PCDH15: variants seen among roughly 807,000 people sequenced by gnomAD.
PCDH15 encodes the protein protocadherin-15.
Under a neutral mutation model 178.5 loss-of-function variants are expected in PCDH15, and 129 were observed. The observed-to-expected ratio is 0.72, with a 90% CI of 0.63 to 0.84. The LOEUF is 0.84. Among genes scored for constraint, PCDH15 ranks in the 40% least tolerant of loss-of-function variants. The probability of loss-of-function intolerance (pLI) is 0.00; values close to 1 mark genes in which losing one functional copy is unlikely to be tolerated. For synonymous variants in PCDH15, 800 were observed against 732.0 expected (o/e 1.09, Z -1.50); for missense variants, 2,230 against 2,099.9 (o/e 1.06, Z -1.21).
intron 2 of PCDH15, among the ~76,000 whole-genome samples, chr10:54,538,900 T>C (rs1451116778): frequency 6.6e-6 from 1 of 152,186 alleles, no homozygotes; most frequent in Non-Finnish European, 1.5e-5. Context: ...GATTGCTTTG[T>C]CTATTTGGGT....
intron 2 of PCDH15, among the ~76,000 whole-genome samples, chr10:54,559,864 A>AAAAAG (rs1159766732): frequency 8.0e-6 from 1 of 125,062 alleles, no homozygotes; most frequent in African/African-American, 2.8e-5. Flanking sequence ...AAAAAAAAAA[A>AAAAAG]AAAAAAAAAA....
intron 6 of PCDH15, among the ~76,000 whole-genome samples, chr10:54,330,768 T>A (rs73248019): frequency 0.22 from 33,607 of 151,730 alleles, 3,831 homozygotes; most frequent in African/African-American, 0.26. Flanking sequence ...AATCTCTTAT[T>A]CTTAAGAAGA....
intron 1 of PCDH15, among the ~76,000 whole-genome samples, chr10:54,726,835 T>C (rs1942607862): frequency 6.7e-6 from 1 of 148,642 alleles, no homozygotes; most frequent in Non-Finnish European, 1.5e-5. Context: ...TCAGGTCAAC[T>C]CATTCGGATT....
intron 15 of PCDH15, among the ~76,000 whole-genome samples, chr10:54,101,841 G>A (rs1314241655): frequency 6.6e-6 from 1 of 152,096 alleles, no homozygotes; most frequent in African/African-American, 2.4e-5. Context: ...TGTGTGTGGT[G>A]TTGTGCAACT....
At chr10:54,624,796 G>C (rs753843746) in intron 2 of PCDH15, among the ~76,000 whole-genome samples, 1 of 152,210 alleles carries the variant, frequency 6.6e-6, no homozygotes, top group Non-Finnish European at 1.5e-5. Flanking sequence ...CTGTGCATAT[G>C]AGGGGTCTAG....
At chr10:55,368,312 A>T (rs944581783) in intron 2 of PCDH15, among the ~76,000 whole-genome samples, 3 of 152,128 alleles carry the variant, frequency 2.0e-5, no homozygotes, top group African/African-American at 7.2e-5. Flanking sequence ...TTGCCCTAAC[A>T]TAGGCATGTG....
At chr10:54,203,817 G>A (rs116898034) in intron 10 of PCDH15, among the ~76,000 whole-genome samples, 140 of 152,104 alleles carry the variant, frequency 9.2e-4, no homozygotes, top group Non-Finnish European at 1.7e-3. Context: ...TCTGAAAAAC[G>A]GGCAAATTGA....
At chr10:55,013,541 TC>T (rs1840098478) in intron 2 of PCDH15, among the ~76,000 whole-genome samples, 2 of 150,144 alleles carry the variant, frequency 1.3e-5, no homozygotes, top group Admixed American at 6.7e-5. Context: ...CTCCTCCCAC[TC>T]CCTCTGCTTA....
At chr10:54,891,462 T>C (rs1003814498) in intron 3 of PCDH15, among the ~76,000 whole-genome samples, 1 of 152,088 alleles carries the variant, frequency 6.6e-6, no homozygotes, top group Non-Finnish European at 1.5e-5. Context: ...GAGAGGATGG[T>C]GAATAAAAGT....
chr10:54,974,244 A>G (rs533708739), intron 2 of PCDH15, among the ~76,000 whole-genome samples: 2 of 152,238 alleles, frequency 1.3e-5, no homozygotes, highest in South Asian at 4.1e-4. Context: ...CTAAAGAAGT[A>G]TTATACAACT....
chr10:54,279,524 A>G (rs1166900771), intron 8 of PCDH15, among the ~76,000 whole-genome samples: 1 of 151,632 alleles, frequency 6.6e-6, no homozygotes, highest in Non-Finnish European at 1.5e-5. Context: ...GTCTTAGATA[A>G]CAAGAAAACT....
chr10:55,542,612 TA>T (rs1841792524), intron 2 of PCDH15, among the ~76,000 whole-genome samples: 1 of 147,650 alleles, frequency 6.8e-6, no homozygotes, highest in East Asian at 2.1e-4. Context: ...CAGACATATG[TA>T]TGTGTCTATA....
intron 11 of PCDH15, among the ~76,000 whole-genome samples, chr10:54,194,620 G>GT (rs72474016): frequency 6.6e-6 from 1 of 151,262 alleles, no homozygotes; most frequent in African/African-American, 2.4e-5. Context: ...ATGTGTGTGT[G>GT]TGTGTGTGTA....
chr10:53,856,955 G>A (rs574544499), intron 28 of PCDH15, among the ~76,000 whole-genome samples: 1 of 152,106 alleles, frequency 6.6e-6, no homozygotes, highest in African/African-American at 2.4e-5. Context: ...CCAAAAGGAG[G>A]GAGGATGGGA....
intron 5 of PCDH15, among the ~76,000 whole-genome samples, chr10:54,360,665 C>T (rs1173837969): frequency 6.6e-6 from 1 of 152,022 alleles, no homozygotes. Context: ...ATCACATCTG[C>T]TTTTTCAGCC....
At chr10:54,383,479 T>C (rs1443778306) in intron 3 of PCDH15, among the ~76,000 whole-genome samples, 1 of 152,130 alleles carries the variant, frequency 6.6e-6, no homozygotes, top group South Asian at 2.1e-4. Flanking sequence ...AGAAAGACGT[T>C]CAGGGAATTA....
rs751160280 is a variant in PCDH15, at chr10:53,995,764, T to A, written c.2753A>T (p.Asp918Val). The part of the protein sequence containing the change: ...GIATVTVIVK[D>V]MNDYPPVFSK... ...AAAGACAGGAGGATAATCATTCATA[T>A]CCTGTAAAACACAATTAGGAGTTTA... The change falls in exon 21 of 38, where the codon GAT becomes GTT. Residue 918 changes from aspartate (D) to valine (V), a missense_variant and splice_region_variant. Asp to Val is a radical substitution (Grantham distance 152). Coordinates refer to ENST00000644397, the MANE Select transcript of PCDH15 (RefSeq NM_001384140.1). 1.2e-6 allele frequency: 2 copies of A among 1,613,570 alleles called. No individual in the cohort carries two copies. The highest frequency in any genetic ancestry group is 2.7e-5 in the African/African-American group (2 of 75,056).
chr10:53,972,170 C>A (rs1472886921), intron 21 of PCDH15, among the ~76,000 whole-genome samples: 1 of 151,842 alleles, frequency 6.6e-6, no homozygotes, highest in African/African-American at 2.4e-5. Context: ...CGAATGTGAC[C>A]AAAACAAGAA....
At chr10:54,002,496 T>C (rs1420925237) in intron 20 of PCDH15, among the ~76,000 whole-genome samples, 3 of 152,162 alleles carry the variant, frequency 2.0e-5, no homozygotes, top group Admixed American at 6.5e-5. Context: ...AAGTATCTTC[T>C]CTGACCACAA....
Sources: gnomAD v4.1 joint callset for allele counts (sites outside exome capture counted in the v4.1 genomes callset) on GRCh38, gnomAD v4.1.1 for gene constraint, MANE v1.5 for transcripts, NCBI Gene and HGNC (gene_info 2026-07-23, HGNC 2026-07-21) for gene names.